AMBRA1: variants seen among roughly 807,000 people sequenced by gnomAD.
AMBRA1 encodes autophagy and beclin 1 regulator 1.
A neutral mutation model predicts 125.4 loss-of-function variants in AMBRA1; 47 were observed. That is an observed-to-expected ratio of 0.37 (90% CI 0.30 to 0.48). The LOEUF is 0.48. AMBRA1 is among the 20% of genes least tolerant of loss of function. The pLI is 0.99. For missense variants in AMBRA1, 1,331 were observed against 1,693.4 expected, an observed-to-expected ratio of 0.79 and a Z score of 3.76; for synonymous variants, 626 against 655.5, an observed-to-expected ratio of 0.95 and a Z score of 0.69.
intron 15 of AMBRA1, among the ~76,000 whole-genome samples, chr11:46,415,362 CA>C (rs1274245887): frequency 6.6e-6 from 1 of 152,170 alleles, no homozygotes; most frequent in East Asian, 1.9e-4. Context: ...TAAAGAGTTA[CA>C]AAAGTATGTG....
rs192542913 is a variant in AMBRA1 at position 46,572,921 on chromosome 11, C to G, written c.-121+20907G>C. The stretch of plus-strand genomic sequence containing the variant: ...CCTGCCCAACCTGGTGAAACTCCGT[C>G]TCTACTAAAAATAAAAAAAATTAGC... On this transcript the variant is annotated intron_variant, in intron 1 of 17. Coordinates refer to ENST00000683756, the MANE Select transcript of AMBRA1 (RefSeq NM_001387011.1). Among the ~76,000 whole-genome samples the G allele has an allele frequency of 2.0e-3, 297 of 151,834 alleles. 2 individuals carry two copies. The highest frequency in any genetic ancestry group is 6.9e-3 in the African/African-American group (286 of 41,384).
At chr11:46,447,000 C>T (rs2136767020) in intron 11 of AMBRA1, among the ~76,000 whole-genome samples, 1 of 152,294 alleles carries the variant, frequency 6.6e-6, no homozygotes, top group South Asian at 2.1e-4. Flanking sequence ...TCATTATCTA[C>T]TATAGTGTGA....
intron 1 of AMBRA1, among the ~76,000 whole-genome samples, chr11:46,567,158 G>A (rs1162083251): frequency 5.3e-5 from 8 of 151,974 alleles, no homozygotes; most frequent in African/African-American, 1.4e-4. Flanking sequence ...TGCAGCCTCC[G>A]CTTTCCGGAT....
intron 11 of AMBRA1, among the ~76,000 whole-genome samples, chr11:46,459,484 G>A (rs1240335798): frequency 6.6e-6 from 1 of 152,108 alleles, no homozygotes. Flanking sequence ...ACCGACGCAA[G>A]TGGATCACCT....
intron 17 of AMBRA1, among the ~76,000 whole-genome samples, chr11:46,402,819 T>A (rs1467425017): frequency 6.6e-6 from 1 of 152,208 alleles, no homozygotes; most frequent in African/African-American, 2.4e-5. Context: ...TGGAAGATTT[T>A]AAAATGTACA....
At chr11:46,554,208 A>C (rs904612895) in intron 1 of AMBRA1, among the ~76,000 whole-genome samples, 5 of 152,230 alleles carry the variant, frequency 3.3e-5, no homozygotes, top group African/African-American at 7.2e-5. Flanking sequence ...CTTTCAAAGA[A>C]ATACACTTAA....
chr11:46,577,347 A>G (rs1390424313), intron 1 of AMBRA1, among the ~76,000 whole-genome samples: 1 of 152,234 alleles, frequency 6.6e-6, no homozygotes, highest in Non-Finnish European at 1.5e-5. Context: ...CGCTAAGTCA[A>G]AGAAGCCAGA....
At chr11:46,429,271 G>A (rs61882702) in intron 14 of AMBRA1, 124,381 of 837,480 alleles carry the variant, frequency 0.15, 9,977 homozygotes, top group Middle Eastern at 0.19. Context: ...CTCAGAAATC[G>A]GTGTGTGGGG....
intron 1 of AMBRA1, among the ~76,000 whole-genome samples, chr11:46,551,274 G>C (rs1235275687): frequency 2.0e-5 from 3 of 151,938 alleles, no homozygotes; most frequent in Non-Finnish European, 4.4e-5. Context: ...ATACCTGTCA[G>C]TGTTTTTGAA....
At chr11:46,552,890 T>C (rs894036301) in intron 1 of AMBRA1, among the ~76,000 whole-genome samples, 1 of 152,092 alleles carries the variant, frequency 6.6e-6, no homozygotes, top group African/African-American at 2.4e-5. Flanking sequence ...GTTTCTATTT[T>C]TTTTTCACTT....
At position 46,508,299 on chromosome 11, in the gene AMBRA1, C is replaced by T. The variant is rs1400553671; in HGVS notation, c.2231G>A (p.Arg744His). 7 of 1,614,178 alleles carry T rather than the reference C, an allele frequency of 4.3e-6. No homozygotes were observed. The highest frequency in any genetic ancestry group is 1.1e-5 in the South Asian group (1 of 91,086). The change falls in exon 9 of 18, where the codon CGC (arginine) becomes CAC (histidine). Residue 744 changes from arginine to histidine, a missense_variant. Physicochemically the swap from Arg to His is conservative, Grantham distance 29. Transcript: ENST00000683756. ...YLSRRDSIRQ[R>H]SMRYQQNRLR... ...ACGGTTCTGTTGGTAGCGCATGGAG[C>T]GCTGGCGAATACTGTCTCTCCGTGA...
intron 7 of AMBRA1, among the ~76,000 whole-genome samples, chr11:46,539,539 A>G (rs2135157703): frequency 6.6e-6 from 1 of 152,240 alleles, no homozygotes; most frequent in African/African-American, 2.4e-5. Flanking sequence ...CCTGGGCAAC[A>G]AGAGCGAAAC....
intron 11 of AMBRA1, among the ~76,000 whole-genome samples, chr11:46,487,773 T>C (rs1313635490): frequency 2.0e-5 from 3 of 151,552 alleles, no homozygotes; most frequent in Non-Finnish European, 4.4e-5. Flanking sequence ...ACATCAGAAA[T>C]ACAAAAAACA....
chr11:46,411,736 TA>T (rs751253756), intron 15 of AMBRA1, among the ~76,000 whole-genome samples: 1 of 152,208 alleles, frequency 6.6e-6, no homozygotes, highest in Non-Finnish European at 1.5e-5. Context: ...CCCAAAGTGC[TA>T]GGATTACAGG....
At chr11:46,408,937 C>G (rs931039327) in intron 16 of AMBRA1, among the ~76,000 whole-genome samples, 3 of 152,266 alleles carry the variant, frequency 2.0e-5, no homozygotes, top group Non-Finnish European at 1.5e-5. Context: ...AACATCCAAT[C>G]TTGCAACCCT....
intron 9 of AMBRA1, chr11:46,494,915 G>T (rs1466688604): frequency 1.3e-5 from 2 of 152,128 alleles, no homozygotes; most frequent in Non-Finnish European, 2.9e-5. Context: ...CAATACAAAG[G>T]TTATTGATAT....
At chr11:46,431,387 C>T (rs1947451860) in intron 14 of AMBRA1, among the ~76,000 whole-genome samples, 1 of 152,230 alleles carries the variant, frequency 6.6e-6, no homozygotes, top group Admixed American at 6.5e-5. Flanking sequence ...CAGGGGCTGA[C>T]TGGATTACCA....
rs143288318 is a variant in AMBRA1, at chr11:46,494,170, G to A, written c.2374C>T (p.Arg792Cys). 9 of 1,607,376 alleles carry A rather than the reference G, an allele frequency of 5.6e-6. No homozygotes were observed. The highest frequency in any genetic ancestry group is 2.2e-5 in the East Asian group (1 of 44,816). Residue 792 changes from arginine to cysteine, a missense_variant, in exon 10 of 18, where the codon CGC becomes TGC. Coordinates refer to ENST00000683756, the MANE Select transcript of AMBRA1 (RefSeq NM_001387011.1). ...GAAGGTGCAGACATCCGGGCATTGC[G>A]TGGAGCTCGGTGCCTGGATCTGTCA... ...NGDRSRHRAP[R>C]NARMSAPSLG... is the part of the protein sequence containing the mutation.
rs1952811279 is a variant in AMBRA1, at chr11:46,542,832, C to T, written c.1185G>A (p.Leu395=). The change falls in exon 7 of 18, where the codon TTG becomes TTA. Residue 395 remains leucine, a synonymous_variant. Coordinates refer to ENST00000683756, the MANE Select transcript of AMBRA1 (RefSeq NM_001387011.1). This position sits in a 1 kb window ranked among gnomAD's most constrained non-coding sequence, Gnocchi z 5.9. ...NLSLGPTRRS[L]GGPLSSHPSR... is the part of the protein sequence containing the mutation. ...AAGGGTGGCTAGACAGAGGCCCTCC[C>T]AAAGAGCGGCGGGTAGGACCCAGAC... 1 of 1,614,070 alleles carries T rather than the reference C, an allele frequency of 6.2e-7. No individual in the cohort carries two copies. Among genetic ancestry groups the T allele is most frequent in the African/African-American group, 1.3e-5 (1 of 75,030 alleles).
Sources: gnomAD v4.1 joint callset for allele counts (sites outside exome capture counted in the v4.1 genomes callset) on GRCh38, gnomAD v4.1.1 for gene constraint, Gnocchi (gnomAD v3.1) non-coding constraint, MANE v1.5 for transcripts, NCBI Gene and HGNC (gene_info 2026-07-23, HGNC 2026-07-21) for gene names.